MSI2: variants seen among roughly 807,000 people sequenced by gnomAD.
MSI2 encodes the protein RNA-binding protein Musashi homolog 2.
A neutral mutation model predicts 45.6 loss-of-function variants in MSI2; 17 were observed. That is an observed-to-expected ratio of 0.37 (90% CI 0.26 to 0.56). MSI2 has a LOEUF of 0.56. Among genes scored for constraint, MSI2 ranks in the 20% least tolerant of loss-of-function variants. MSI2 has a pLI of 0.77. For missense variants in MSI2, 293 were observed against 444.2 expected (o/e 0.66, Z 3.06); for synonymous variants, 156 against 158.2 (o/e 0.99, Z 0.11).
chr17:57,699,149 GAGAGAGAGAGAGAGAGA>G, the MSI2 span, among the ~76,000 whole-genome samples: 2 of 22,078 alleles, frequency 9.1e-5, no homozygotes, highest in Non-Finnish European at 1.6e-4. Flanking sequence ...AAGAGGCGAG[GAGAGAGAGAGAGAGAGA>G]GAGAGAGAGA....
chr17:57,363,555 C>T lies in MSI2; in HGVS notation c.313-37824C>T, dbSNP rs901579980. ...GAGTTCGAGACCAGCATGGCCAACA[C>T]GGAGAAACCCTGTCTCTACTAAAAA... On this transcript the variant is annotated intron_variant, in intron 5 of 13. Transcript: ENST00000284073. Among the ~76,000 whole-genome samples the T allele has an allele frequency of 8.5e-5, 13 of 152,246 alleles. No homozygotes were observed. In the South Asian group the frequency reaches 1.0e-3, roughly 12 times the overall value.
chr17:57,638,051 A>G (rs1909971600), intron 10 of MSI2, among the ~76,000 whole-genome samples: 1 of 152,242 alleles, frequency 6.6e-6, no homozygotes, highest in African/African-American at 2.4e-5. Flanking sequence ...AACTTAAAAA[A>G]CAAAGCAACA....
At chr17:57,624,952 G>T (rs1050794430) in intron 9 of MSI2, among the ~76,000 whole-genome samples, 2 of 152,200 alleles carry the variant, frequency 1.3e-5, no homozygotes, top group Non-Finnish European at 2.9e-5. Flanking sequence ...AGTTCTGGAG[G>T]CTGGGAAGTA....
At position 57,356,118 on chromosome 17, in the gene MSI2, G is replaced by A. The variant is rs1476331452; in HGVS notation, c.313-45261G>A. Among the ~76,000 whole-genome samples, 3 of 151,996 alleles carry A rather than the reference G, an allele frequency of 2.0e-5. No individual in the cohort carries two copies. The East Asian group carries it at 5.8e-4, about 29-fold the overall frequency. On this transcript the variant is annotated intron_variant, in intron 5 of 13. Transcript: ENST00000284073. ...CCGAACTCCTGACCTCAGGTGATCT[G>A]CCCGCCTCAGCCTCCCAAAGTGCTG... is the stretch of plus-strand genomic sequence containing the variant.
intron 7 of MSI2, among the ~76,000 whole-genome samples, chr17:57,564,149 A>G (rs527707258): frequency 3.7e-4 from 56 of 152,140 alleles, no homozygotes; most frequent in Non-Finnish European, 7.2e-4. Flanking sequence ...AGGGCGTGCC[A>G]TGTGTTTGTG....
intron 5 of MSI2, among the ~76,000 whole-genome samples, chr17:57,306,741 G>GTTTA (rs1256777858): frequency 5.9e-5 from 9 of 152,026 alleles, no homozygotes; most frequent in Non-Finnish European, 7.4e-5. Flanking sequence ...TTGTTTGTTT[G>GTTTA]TTTATTTATT....
chr17:57,593,344 A>C (rs1905006878), intron 7 of MSI2, among the ~76,000 whole-genome samples: 1 of 152,212 alleles, frequency 6.6e-6, no homozygotes, highest in Admixed American at 6.5e-5. Context: ...CTTGTCTCAC[A>C]GTTCTGGAAG....
chr17:57,628,730 C>G (rs80072159), intron 10 of MSI2: 1,775 of 152,800 alleles, frequency 0.012, 46 homozygotes, highest in African/African-American at 0.04. Context: ...CCAGTGTCCC[C>G]TGGGGCTGGG....
At chr17:57,301,507 G>C (rs970646597) in intron 5 of MSI2, among the ~76,000 whole-genome samples, 4 of 152,144 alleles carry the variant, frequency 2.6e-5, no homozygotes, top group African/African-American at 9.7e-5. Context: ...GATACCCCTG[G>C]GTGTTTCTTC....
rs1186188380 is a variant in MSI2, at chr17:57,256,971, C to T, written c.63-127C>T. The T allele has an allele frequency of 3.4e-6, 5 of 1,477,898 alleles. 1 individual carries two copies. Among genetic ancestry groups the T allele is most frequent in the South Asian group, 2.4e-5 (2 of 83,670 alleles). 91.5% of individuals were successfully genotyped at this position (1,477,898 alleles called of 1,614,324 possible). ...GGATTGCATTTCGCCGTCACCTTCT[C>T]CCCCACCCCACCTCCCGGCTCTCGC... is the stretch of plus-strand genomic sequence containing the variant. On this transcript the variant is annotated intron_variant, in intron 1 of 13. Transcript: ENST00000284073.
chr17:57,604,974 C>T (rs1441536698), intron 8 of MSI2, among the ~76,000 whole-genome samples: 7 of 126,234 alleles, frequency 5.5e-5, no homozygotes, highest in Admixed American at 4.1e-4. Flanking sequence ...GGGAGGGGGG[C>T]GGGTAATGTG....
intron 11 of MSI2, among the ~76,000 whole-genome samples, chr17:57,670,480 C>T (rs1912699001): frequency 6.6e-6 from 1 of 152,216 alleles, no homozygotes; most frequent in Admixed American, 6.5e-5. Context: ...GTTAAGATCT[C>T]CAGGATAAGA....
intron 5 of MSI2, among the ~76,000 whole-genome samples, chr17:57,371,074 G>A (rs2083413157): frequency 6.6e-6 from 1 of 152,008 alleles, no homozygotes; most frequent in Admixed American, 6.6e-5. Flanking sequence ...CTGTTTTCTT[G>A]TTAATTTGCT....
intron 5 of MSI2, among the ~76,000 whole-genome samples, chr17:57,271,836 A>G: frequency 6.6e-6 from 1 of 151,832 alleles, no homozygotes; most frequent in Non-Finnish European, 1.5e-5. Flanking sequence ...TAAAGCACCA[A>G]AGAAAAGAAA....
At chr17:57,404,268 T>C (rs1020063856) in intron 6 of MSI2, among the ~76,000 whole-genome samples, 1 of 152,126 alleles carries the variant, frequency 6.6e-6, no homozygotes, top group Non-Finnish European at 1.5e-5. Flanking sequence ...CCTCCAGGCT[T>C]GTCTGATAAC....
chr17:57,553,437 G>A (rs2087353119), intron 7 of MSI2, among the ~76,000 whole-genome samples: 1 of 152,190 alleles, frequency 6.6e-6, no homozygotes, highest in African/African-American at 2.4e-5. Context: ...TGGTGGGAGG[G>A]GGATTGGGAC....
chr17:57,310,484 A>C (rs1170402593), intron 5 of MSI2, among the ~76,000 whole-genome samples: 1 of 151,936 alleles, frequency 6.6e-6, no homozygotes. Flanking sequence ...CAGGCACACA[A>C]CACCGCTCCC....
intron 5 of MSI2, among the ~76,000 whole-genome samples, chr17:57,399,869 C>G (rs1240664206): frequency 1.3e-5 from 2 of 152,206 alleles, no homozygotes; most frequent in Admixed American, 6.5e-5. Flanking sequence ...CAGTGCCCTA[C>G]AGCACAGCCT....
At chr17:57,428,855 T>C (rs1275080200) in intron 6 of MSI2, among the ~76,000 whole-genome samples, 1 of 152,216 alleles carries the variant, frequency 6.6e-6, no homozygotes, top group Non-Finnish European at 1.5e-5. Context: ...CAGTTCTTTT[T>C]ACTCTGTGAT....
Sources: gnomAD v4.1 joint callset for allele counts (sites outside exome capture counted in the v4.1 genomes callset) on GRCh38, gnomAD v4.1.1 for gene constraint, MANE v1.5 for transcripts, NCBI Gene and HGNC (gene_info 2026-07-23, HGNC 2026-07-21) for gene names.